Variants in ACACB observed in about 807,000 individuals in gnomAD.
ACACB encodes the protein acetyl-CoA carboxylase 2.
A neutral mutation model predicts 278.8 loss-of-function variants in ACACB; 209 were observed. The observed-to-expected ratio is 0.75, with a 90% CI of 0.67 to 0.84. The LOEUF (loss-of-function observed/expected upper bound fraction) is 0.84, where lower values mean the gene tolerates loss of function less well. ACACB is among the 40% of genes least tolerant of loss of function. The pLI is 0.00. For missense variants in ACACB, 2,850 were observed against 3,269.0 expected (o/e 0.87, Z 3.13); for synonymous variants, 1,174 against 1,285.6 (o/e 0.91, Z 1.86).
chr12:109,235,284 T>C (rs2046602186), intron 31 of ACACB, 29 bp from the exon 32 acceptor site: 3 of 1,600,514 alleles, frequency 1.9e-6, no homozygotes, highest in African/African-American at 1.3e-5. Flanking sequence ...CCAAATAATA[T>C]TCCATTGTGT....
In ACACB at chr12:109,179,951, T is replaced by G. The variant is rs370344183; in HGVS notation, c.1682T>G (p.Val561Gly). Reference protein sequence around the residue: ...AIRLAKTVGYVSAGTVEYLYS... With the variant: ...AIRLAKTVGYGSAGTVEYLYS... ...CGCCTGGCCAAGACCGTGGGCTATG[T>G]GAGTGCAGGGACAGTGGAATACCTC... The change falls in exon 11 of 53, where the codon GTG becomes GGG. Residue 561 changes from valine (V) to glycine (G), a missense_variant. Val to Gly is a moderately radical substitution (Grantham distance 109). This residue lies in a region of ACACB where 2,265 missense variants were observed against 2,561.3 expected (regional missense o/e 0.88). Transcript: ENST00000338432. The G allele has an allele frequency of 8.1e-6, 13 of 1,612,934 alleles. No individual in the cohort carries two copies. The highest frequency in any genetic ancestry group is 2.7e-5 in the African/African-American group (2 of 74,900).
chr12:109,185,603 C>T lies in ACACB; in HGVS notation c.1843C>T (p.Arg615Trp), dbSNP rs145713657. The change falls in exon 12 of 53, where the codon CGG (arginine) becomes TGG (tryptophan). Residue 615 changes from arginine to tryptophan, a missense_variant. Arg to Trp is a moderately radical substitution (Grantham distance 101). This residue lies in a region of ACACB where 2,265 missense variants were observed against 2,561.3 expected (regional missense o/e 0.88). Coordinates refer to ENST00000338432, the MANE Select transcript of ACACB (RefSeq NM_001093.4). ...GATCGCCATGGGCGTGCCACTGCACCGGCTGAAGGATATCCGGCTTCTGTA... is the reference window on the plus strand; with the variant it reads ...GATCGCCATGGGCGTGCCACTGCACTGGCTGAAGGATATCCGGCTTCTGTA... ...LQIAMGVPLH[R>W]LKDIRLLYGE... is the part of the protein sequence containing the mutation. 7.8e-5 allele frequency: 126 copies of T among 1,613,702 alleles called. No homozygotes were observed. Among genetic ancestry groups the T allele is most frequent in the Non-Finnish European group, 9.6e-5 (113 of 1,179,968 alleles).
intron 6 of ACACB, 25 bp downstream of exon 6, chr12:109,172,381 A>C: frequency 1.2e-6 from 2 of 1,607,736 alleles, no homozygotes; most frequent in Non-Finnish European, 1.7e-6. Context: ...CATCAGATAC[A>C]TGGGAATTGG....
chr12:109,140,215 T>TTTCC lies in ACACB; in HGVS notation c.653+194_653+197dup, dbSNP rs757132750. Among the ~76,000 whole-genome samples, 165 of 145,462 alleles carry TTTCC rather than the reference T, an allele frequency of 1.1e-3. 1 individual carries two copies. Among genetic ancestry groups the TTTCC allele is most frequent in the African/African-American group, 2.6e-3 (93 of 36,426 alleles). On this transcript the variant is annotated intron_variant, in intron 2 of 52. Coordinates refer to ENST00000338432, the MANE Select transcript of ACACB (RefSeq NM_001093.4). The stretch of plus-strand genomic sequence containing the variant: ...GAGAAGACACGAGCCTTCTCAGAAG[T>TTTCC]TTCCTTCCTTCCTTCCTTCCTTCCT...
In ACACB at chr12:109,234,017, C is replaced by CGATTTTACG. The variant is rs1565953860; in HGVS notation, c.4322_4330dup (p.Ile1441_Arg1443dup). ...CACCTGGAGGATGAGGCACTGGTGC[C>CGATTTTACG]GATTTTACGGACATTCGTACAGTCC... is the stretch of plus-strand genomic sequence containing the variant. On this transcript the variant is annotated inframe_insertion, in exon 31 of 53. Transcript: ENST00000338432. The CGATTTTACG allele has an allele frequency of 1.2e-6, 2 of 1,613,510 alleles. No homozygotes were observed. The highest frequency in any genetic ancestry group is 3.3e-5 in the Admixed American group (2 of 59,926).
chr12:109,243,562 G>T (rs1271168371), intron 37 of ACACB, among the ~76,000 whole-genome samples: 1 of 152,160 alleles, frequency 6.6e-6, no homozygotes, highest in Non-Finnish European at 1.5e-5. Context: ...TGGCCCCACT[G>T]CACTCTAGCC....
intron 44 of ACACB, among the ~76,000 whole-genome samples, chr12:109,254,889 C>T (rs1293100373): frequency 6.6e-6 from 1 of 151,980 alleles, no homozygotes; most frequent in Non-Finnish European, 1.5e-5. Context: ...ATTCTCCTGA[C>T]TCAGTCTACC....
rs569625612 is a variant in ACACB at position 109,253,240 on chromosome 12, G to T, written c.6045+82G>T. ...TAATTCTGTCCCTGTCACCTCCTGGGTGGTGTGGGAGGCTGAGGAGCAGGA... is the reference window on the plus strand; with the variant it reads ...TAATTCTGTCCCTGTCACCTCCTGGTTGGTGTGGGAGGCTGAGGAGCAGGA... On this transcript the variant is annotated intron_variant, in intron 43 of 52. Transcript: ENST00000338432. The T allele has an allele frequency of 1.1e-5, 16 of 1,401,802 alleles. No homozygotes were observed. The African/African-American group carries it at 2.1e-4, about 19-fold the overall frequency. 86.8% of individuals were successfully genotyped at this position (1,401,802 alleles called of 1,614,324 possible). A position where few individuals can be genotyped will look rare whatever the true frequency, so the allele number is the denominator to read the frequency against.
rs113054401 is a variant in ACACB at position 109,194,179 on chromosome 12, GTTT to G, written c.2481+460_2481+462del. On this transcript the variant is annotated intron_variant, in intron 16 of 52. Coordinates refer to ENST00000338432, the MANE Select transcript of ACACB (RefSeq NM_001093.4). ...ATGCCTTGCCCCAGTCTCTGTCTCTGTTTTTTTTTTTTGTTGTTGTTGTTGTTG... is the reference window on the plus strand; with the variant it reads ...ATGCCTTGCCCCAGTCTCTGTCTCTGTTTTTTTTTGTTGTTGTTGTTGTTG... 8.8e-3 allele frequency among the ~76,000 whole-genome samples: 1,320 copies of G among 150,172 alleles called. 12 individuals carry two copies. Among genetic ancestry groups the G allele is most frequent in the African/African-American group, 0.031 (1,241 of 40,448 alleles).
At chr12:109,226,699 C>CAA (rs531983826) in intron 27 of ACACB, among the ~76,000 whole-genome samples, 1,658 of 74,084 alleles carry the variant, frequency 0.022, 52 homozygotes, top group African/African-American at 0.06. Context: ...AACTCCATCT[C>CAA]AAAAAAAAAA....
rs189838354 is a variant in ACACB, at chr12:109,265,034, T to C, written c.6943-76T>C. ...CCTGGGCCCAGCCCCGGGCAGCCAC[T>C]GTCATGGGTGTGGTCAGAGCCAGTG... On this transcript the variant is annotated intron_variant, in intron 50 of 52. Transcript: ENST00000338432. 3.5e-5 allele frequency: 52 copies of C among 1,495,396 alleles called. No homozygotes were observed. The African/African-American group carries it at 6.3e-4, about 18-fold the overall frequency. The allele number at this position is 1,495,396 out of a possible 1,614,324, so 92.6% of individuals were successfully genotyped here. A position where few individuals can be genotyped will look rare whatever the true frequency, so the allele number is the denominator to read the frequency against.
chr12:109,157,341 A>T (rs1306639753), intron 2 of ACACB, among the ~76,000 whole-genome samples: 3 of 151,646 alleles, frequency 2.0e-5, no homozygotes, highest in Non-Finnish European at 4.4e-5. Context: ...TGGCATGATC[A>T]TGGCTCATTA....
intron 21 of ACACB, among the ~76,000 whole-genome samples, chr12:109,209,860 T>C (rs200567198): frequency 0.017 from 2,067 of 123,622 alleles, 102 homozygotes; most frequent in African/African-American, 0.067. Context: ...TATATATGTA[T>C]ATACACACAT....
chr12:109,249,935 G>C, intron 40 of ACACB, 49 bp from the exon 41 acceptor site: 1 of 1,562,180 alleles, frequency 6.4e-7, no homozygotes, highest in Admixed American at 2.0e-5. Context: ...ATCCACCTTG[G>C]ATTTTTTGGG....
chr12:109,112,603 G>A (rs749721448), upstream of ACACB, among the ~76,000 whole-genome samples: 1 of 150,842 alleles, frequency 6.6e-6, no homozygotes, highest in Non-Finnish European at 1.5e-5. Flanking sequence ...TTGGGAGGCT[G>A]AGGCAGGAGA....
intron 21 of ACACB, among the ~76,000 whole-genome samples, chr12:109,210,069 ATGTGTATATATGTATATATACACACATG>A (rs2045680542): frequency 1.1e-5 from 1 of 87,132 alleles, no homozygotes; most frequent in African/African-American, 3.5e-5. Context: ...GTGTGTATAT[ATGTGTATATATGTATATATACACACATG>A]TGTGTGTATA....
chr12:109,167,109 G>A, intron 3 of ACACB, 116 bp downstream of exon 3: 1 of 1,375,124 alleles, frequency 7.3e-7, no homozygotes, highest in Non-Finnish European at 1.0e-6. Context: ...CAGAGAGGGG[G>A]TGAGGGCCAC....
At chr12:109,158,915 C>T (rs913098368) in intron 2 of ACACB, among the ~76,000 whole-genome samples, 2 of 152,210 alleles carry the variant, frequency 1.3e-5, no homozygotes, top group African/African-American at 4.8e-5. Context: ...GTGGAGGTAG[C>T]AGTGAGCTGA....
At position 109,120,383 on chromosome 12, in the gene ACACB, C is replaced by A. The variant is rs531399679; in HGVS notation, c.-10+3679C>A. 5.3e-5 allele frequency among the ~76,000 whole-genome samples: 8 copies of A among 152,298 alleles called. No homozygotes were observed. The South Asian group carries it at 1.7e-3, about 32-fold the overall frequency. Reference sequence around the variant, plus strand: ...ATTTTTTGGCAAGGGTGGGGACCATCTTTCAGGATTGGTATTCATAGCCAC... The same window carrying A: ...ATTTTTTGGCAAGGGTGGGGACCATATTTCAGGATTGGTATTCATAGCCAC... On this transcript the variant is annotated intron_variant, in intron 1 of 52. Coordinates refer to ENST00000338432, the MANE Select transcript of ACACB (RefSeq NM_001093.4).
Sources: allele counts gnomAD v4.1 joint callset (sites outside exome capture counted in the v4.1 genomes callset), GRCh38; gene constraint gnomAD v4.1.1; regional missense constraint gnomAD v4.1.1; transcripts MANE v1.5; gene names NCBI Gene and HGNC (gene_info 2026-07-23, HGNC 2026-07-21).